METAP1D: variants seen among roughly 807,000 people sequenced by gnomAD.
METAP1D encodes the protein methionine aminopeptidase 1D, mitochondrial.
A neutral mutation model predicts 40.5 loss-of-function variants in METAP1D; 31 were observed. The observed-to-expected ratio is 0.77, with a 90% CI of 0.58 to 1.03. The LOEUF is 1.03. Among genes scored for constraint, METAP1D ranks in the 50% least tolerant of loss-of-function variants. The probability of loss-of-function intolerance (pLI) is 0.00; values close to 1 mark genes in which losing one functional copy is unlikely to be tolerated. For missense variants in METAP1D, 411 were observed against 420.7 expected (o/e 0.98, Z 0.20); for synonymous variants, 151 against 146.4 (o/e 1.03, Z -0.22).
chr2:172,019,169 CAGTG>C (rs1424666253), intron 1 of METAP1D, among the ~76,000 whole-genome samples: 1 of 152,104 alleles, frequency 6.6e-6, no homozygotes, highest in East Asian at 1.9e-4. Flanking sequence ...TTGGGCAACA[CAGTG>C]AGAACCCATC....
chr2:172,061,815 C>A (rs1403184684), intron 2 of METAP1D, 160 bp downstream of exon 2: 2 of 534,334 alleles, frequency 3.7e-6, no homozygotes, highest in Non-Finnish European at 3.1e-6. Context: ...GTTTTAATAT[C>A]CTGCAATTCT....
intron 7 of METAP1D, 104 bp downstream of exon 7, chr2:172,077,998 G>T: frequency 8.3e-6 from 4 of 483,826 alleles, no homozygotes; most frequent in South Asian, 2.4e-5. Flanking sequence ...TATCAACCTT[G>T]TGTTTGTGTG....
At chr2:172,060,185 G>A (rs1248856080) in intron 1 of METAP1D, among the ~76,000 whole-genome samples, 1 of 152,190 alleles carries the variant, frequency 6.6e-6, no homozygotes, top group Non-Finnish European at 1.5e-5. Flanking sequence ...GGAGGCCGAG[G>A]TGGGAGGATC....
chr2:172,038,386 C>G (rs1400435306), intron 1 of METAP1D, among the ~76,000 whole-genome samples: 1 of 151,734 alleles, frequency 6.6e-6, no homozygotes, highest in African/African-American at 2.4e-5. Flanking sequence ...AGCTAACTAT[C>G]CATAGCTTAG....
In METAP1D at chr2:172,063,826, G is replaced by T; in HGVS notation, c.314G>T (p.Arg105Leu). 6.2e-7 allele frequency: 1 copy of T among 1,613,474 alleles called. No individual in the cohort carries two copies. The highest frequency in any genetic ancestry group is 8.5e-7 in the Non-Finnish European group (1 of 1,179,730). ...CTTCATCAGGCTTGTCAGCTGGCCCGCCACGTCCTCCTCTTGGCTGGGAAG... is the reference window on the plus strand; with the variant it reads ...CTTCATCAGGCTTGTCAGCTGGCCCTCCACGTCCTCCTCTTGGCTGGGAAG... ...QGLHQACQLARHVLLLAGKSL... is the reference protein window; with the variant it reads ...QGLHQACQLALHVLLLAGKSL... Residue 105 changes from arginine (R) to leucine (L), a missense_variant, in exon 3 of 10, where the codon CGC (arginine) becomes CTC (leucine). Arg to Leu is a moderately radical substitution (Grantham distance 102, BLOSUM62 -2). Transcript: ENST00000315796.
At chr2:172,041,586 G>C (rs1475002715) in intron 1 of METAP1D, among the ~76,000 whole-genome samples, 3 of 124,998 alleles carry the variant, frequency 2.4e-5, no homozygotes, top group African/African-American at 7.9e-5. Context: ...TTTTGTTAGA[G>C]ACAGGACCCC....
intron 6 of METAP1D, chr2:172,072,509 C>T (rs1690447384): frequency 6.0e-6 from 1 of 167,020 alleles, no homozygotes; most frequent in African/African-American, 2.4e-5. Context: ...TACAGAGGCA[C>T]ATTTGCAGTA....
intron 1 of METAP1D, among the ~76,000 whole-genome samples, chr2:172,033,842 C>T (rs1056057436): frequency 2.7e-5 from 4 of 150,284 alleles, no homozygotes; most frequent in Non-Finnish European, 5.9e-5. Flanking sequence ...TTTGGGAGGC[C>T]GAGGCGGGGG....
chr2:172,046,538 A>G (rs1689768274), intron 1 of METAP1D, among the ~76,000 whole-genome samples: 1 of 152,264 alleles, frequency 6.6e-6, no homozygotes, highest in African/African-American at 2.4e-5. Context: ...TTTTAAACCA[A>G]AACAACTAGT....
intron 1 of METAP1D, among the ~76,000 whole-genome samples, chr2:172,055,343 G>T (rs1689980166): frequency 6.6e-6 from 1 of 152,176 alleles, no homozygotes; most frequent in Admixed American, 6.5e-5. Flanking sequence ...GTCAAGAAAT[G>T]AATTATATAG....
chr2:172,008,221 G>A (rs1235018359), intron 1 of METAP1D, among the ~76,000 whole-genome samples: 2 of 152,096 alleles, frequency 1.3e-5, no homozygotes, highest in African/African-American at 2.4e-5. Context: ...CTTCATAGTG[G>A]TGTTGCTGGA....
At chr2:172,019,347 T>G (rs1176968050) in intron 1 of METAP1D, among the ~76,000 whole-genome samples, 1 of 152,036 alleles carries the variant, frequency 6.6e-6, no homozygotes, top group Non-Finnish European at 1.5e-5. Flanking sequence ...GAGAAGAAAT[T>G]TTCTAGAAAA....
chr2:172,000,148 G>A, intron 1 of METAP1D, 139 bp downstream of exon 1: 1 of 711,696 alleles, frequency 1.4e-6, no homozygotes. Context: ...AACACACGCA[G>A]GCACACACGA....
intron 1 of METAP1D, among the ~76,000 whole-genome samples, chr2:172,044,850 C>T (rs1427189388): frequency 7.5e-6 from 1 of 133,260 alleles, no homozygotes; most frequent in Non-Finnish European, 1.7e-5. Flanking sequence ...GGTCATGCCA[C>T]TGCACTCCAG....
Position 172,061,531 on chromosome 2 carries a change from A to T in METAP1D, c.74A>T (p.His25Leu), listed in dbSNP as rs765418271. Reference protein sequence around the residue: ...SHRIFSSPLNHIYLHKQSSSQ... With the variant: ...SHRIFSSPLNLIYLHKQSSSQ... ...AGAATTTTCTCTTCACCACTCAATC[A>T]TATCTACTTACACAAGCAGTCAAGC... Residue 25 changes from histidine (H) to leucine (L), a missense_variant, in exon 2 of 10, where the codon CAT becomes CTT. Physicochemically the swap from His to Leu is moderately conservative, Grantham distance 99 (BLOSUM62 -3). Coordinates refer to ENST00000315796, the MANE Select transcript of METAP1D (RefSeq NM_199227.3). 1.3e-5 allele frequency: 21 copies of T among 1,613,224 alleles called. No homozygotes were observed. Among genetic ancestry groups the T allele is most frequent in the Non-Finnish European group, 1.8e-5 (21 of 1,179,768 alleles).
intron 1 of METAP1D, among the ~76,000 whole-genome samples, chr2:172,013,907 G>C (rs1275872792): frequency 1.3e-5 from 2 of 148,332 alleles, no homozygotes; most frequent in Middle Eastern, 3.3e-3. Context: ...GGCAACCTCC[G>C]CCTCCTGGGT....
intron 1 of METAP1D, among the ~76,000 whole-genome samples, chr2:172,001,929 C>A (rs1416145565): frequency 6.6e-6 from 1 of 151,758 alleles, no homozygotes; most frequent in South Asian, 2.1e-4. Flanking sequence ...AAACCTGTCT[C>A]TACTAAAAAT....
intron 1 of METAP1D, among the ~76,000 whole-genome samples, chr2:172,014,997 T>C (rs894229752): frequency 3.2e-4 from 49 of 152,206 alleles, no homozygotes; most frequent in African/African-American, 1.1e-3. Flanking sequence ...ATAATTTGAC[T>C]GGATAGGTGA....
chr2:172,039,584 T>C (rs932432887), intron 1 of METAP1D, among the ~76,000 whole-genome samples: 2 of 152,116 alleles, frequency 1.3e-5, no homozygotes, highest in African/African-American at 4.8e-5. Flanking sequence ...TTCTTAGAAG[T>C]CGTCAGGAAA....
Sources: gnomAD v4.1 joint callset for allele counts (sites outside exome capture counted in the v4.1 genomes callset) on GRCh38, gnomAD v4.1.1 for gene constraint, MANE v1.5 for transcripts, NCBI Gene and HGNC (gene_info 2026-07-23, HGNC 2026-07-21) for gene names.